Variants in DCLK2 observed in about 807,000 individuals in gnomAD.
DCLK2 encodes serine/threonine-protein kinase DCLK2.
In DCLK2, 31 loss-of-function variants were observed where a neutral mutation model predicts 78.4. The ratio of observed to expected loss-of-function variants is 0.40; its 90% confidence interval spans 0.30 to 0.53. The LOEUF is 0.53. DCLK2 is among the 20% of genes least tolerant of loss of function. The probability of loss-of-function intolerance (pLI) is 0.61; values close to 1 mark genes in which losing one functional copy is unlikely to be tolerated. For synonymous variants in DCLK2, 407 were observed against 374.9 expected (o/e 1.09, Z -0.99); for missense variants, 872 against 973.7 (o/e 0.90, Z 1.39).
intron 5 of DCLK2, among the ~76,000 whole-genome samples, chr4:150,211,829 C>A (rs1194761570): frequency 1.3e-5 from 2 of 152,130 alleles, no homozygotes; most frequent in African/African-American, 4.8e-5. Context: ...ATCTTCTGTT[C>A]CCTCTGTGCA....
chr4:150,245,664 A>G (rs966226476), intron 12 of DCLK2, among the ~76,000 whole-genome samples: 4 of 152,176 alleles, frequency 2.6e-5, no homozygotes, highest in African/African-American at 9.7e-5. Context: ...GATGGTTTCC[A>G]GCTTCATCCA....
intron 6 of DCLK2, among the ~76,000 whole-genome samples, chr4:150,221,072 A>G (rs1741151558): frequency 6.6e-6 from 1 of 152,218 alleles, no homozygotes; most frequent in Non-Finnish European, 1.5e-5. Flanking sequence ...TCTCAATTAG[A>G]TAACAAAACT....
chr4:150,246,613 G>T (rs1428907684), intron 12 of DCLK2, among the ~76,000 whole-genome samples: 1 of 152,192 alleles, frequency 6.6e-6, no homozygotes, highest in Admixed American at 6.5e-5. Context: ...TTCTCATGGG[G>T]CCTTGTAATG....
chr4:150,159,246 A>G (rs1323691105), intron 2 of DCLK2, among the ~76,000 whole-genome samples: 1 of 152,162 alleles, frequency 6.6e-6, no homozygotes, highest in Non-Finnish European at 1.5e-5. Context: ...TTCAGGCTTC[A>G]CAGTTGAATC....
intron 2 of DCLK2, among the ~76,000 whole-genome samples, chr4:150,165,219 A>G (rs1175850078): frequency 1.3e-5 from 2 of 152,236 alleles, no homozygotes; most frequent in Non-Finnish European, 2.9e-5. Context: ...TAAAGTGGTC[A>G]TTGAGCTGTG....
chr4:150,229,080 C>G (rs1452889326), intron 8 of DCLK2, among the ~76,000 whole-genome samples: 1 of 152,130 alleles, frequency 6.6e-6, no homozygotes, highest in Admixed American at 6.5e-5. Context: ...TGGCTCATGC[C>G]TGTAATCCCA....
chr4:150,177,609 T>A lies in DCLK2; in HGVS notation c.757-15529T>A, dbSNP rs79939748. On this transcript the variant is annotated intron_variant, in intron 2 of 15. Coordinates refer to ENST00000296550, the MANE Select transcript of DCLK2 (RefSeq NM_001040260.4). ...TTGCAGTTTATGAAAAGTAATGATA[T>A]TAATGATAGAATTATCTTTCAAAAG... Among the ~76,000 whole-genome samples, 1,188 of 152,302 alleles carry A rather than the reference T, an allele frequency of 7.8e-3. 16 individuals are homozygous for A. The highest frequency in any genetic ancestry group is 0.028 in the African/African-American group (1,145 of 41,564).
chr4:150,224,598 G>A, intron 8 of DCLK2, 40 bp downstream of exon 8: 2 of 1,555,070 alleles, frequency 1.3e-6, no homozygotes, highest in Non-Finnish European at 1.8e-6. Flanking sequence ...AGAAACTAGA[G>A]TAACTTGGTG....
rs1560751884 is a variant in DCLK2 at position 150,079,462 on chromosome 4, G to A, written c.421+14G>A. ...AGCTGCTGGAAGGTAGGAGGGGAGG[G>A]CGCCGCACGGCAGGTGCGGCGGAGC... On this transcript the variant is annotated intron_variant, in intron 1 of 15. Transcript: ENST00000296550. 7 of 1,465,856 alleles carry A rather than the reference G, an allele frequency of 4.8e-6. No homozygotes were observed. Among genetic ancestry groups the A allele is most frequent in the Non-Finnish European group, 6.3e-6 (7 of 1,107,568 alleles). 90.8% of individuals were successfully genotyped at this position (1,465,856 alleles called of 1,614,324 possible).
chr4:150,206,738 C>T (rs541283334), intron 5 of DCLK2, among the ~76,000 whole-genome samples: 1 of 152,180 alleles, frequency 6.6e-6, no homozygotes, highest in East Asian at 1.9e-4. Context: ...GTCTCTGCCA[C>T]ACTGATTCAG....
chr4:150,101,285 T>A (rs1730872927), intron 1 of DCLK2, among the ~76,000 whole-genome samples: 1 of 152,068 alleles, frequency 6.6e-6, no homozygotes, highest in Non-Finnish European at 1.5e-5. Context: ...AAATAAAATC[T>A]TCTTGTATGC....
At chr4:150,142,981 G>A (rs1022301149) in intron 2 of DCLK2, among the ~76,000 whole-genome samples, 1 of 151,912 alleles carries the variant, frequency 6.6e-6, no homozygotes, top group African/African-American at 2.4e-5. Flanking sequence ...CTGTCTTTAT[G>A]TCTGTGTGTA....
intron 2 of DCLK2, among the ~76,000 whole-genome samples, chr4:150,124,602 T>A (rs2150187208): frequency 6.6e-6 from 1 of 152,328 alleles, no homozygotes; most frequent in African/African-American, 2.4e-5. Flanking sequence ...GGTAAAATAT[T>A]ATGGCTGTCA....
chr4:150,242,971 A>G (rs890173031), intron 12 of DCLK2, among the ~76,000 whole-genome samples: 2 of 152,126 alleles, frequency 1.3e-5, no homozygotes, highest in African/African-American at 4.8e-5. Context: ...GGCCAGTTAC[A>G]GTGGAGTTCC....
rs1469070062 is a variant in DCLK2 at position 150,190,054 on chromosome 4, C to A, written c.757-3084C>A. Reference sequence around the variant, plus strand: ...TGTCTCAAAAAAAAAAAAAAAAAGGCCAAGTGTGGTGGCTGTGGTCCCAGC... The same window carrying A: ...TGTCTCAAAAAAAAAAAAAAAAAGGACAAGTGTGGTGGCTGTGGTCCCAGC... On this transcript the variant is annotated intron_variant, in intron 2 of 15. Transcript: ENST00000296550. Among the ~76,000 whole-genome samples, 7 of 13,614 alleles carry A rather than the reference C, an allele frequency of 5.1e-4. 1 individual carries two copies. The highest frequency in any genetic ancestry group is 1.0e-3 in the Non-Finnish European group (4 of 3,830). The allele number at this position is 13,614 out of a possible 152,430, so 8.9% of individuals were successfully genotyped here.
chr4:150,175,011 A>AAATATATATATATATATAT (rs1454035697), intron 2 of DCLK2, among the ~76,000 whole-genome samples: 1 of 9,974 alleles, frequency 1.0e-4, no homozygotes, highest in African/African-American at 2.6e-4. Context: ...AAAAAAAAAA[A>AAATATATATATATATATAT]ATATATATAT....
intron 2 of DCLK2, among the ~76,000 whole-genome samples, chr4:150,104,838 G>A (rs1580508806): frequency 1.3e-5 from 2 of 152,230 alleles, no homozygotes; most frequent in East Asian, 3.9e-4. Flanking sequence ...AACACTGGAA[G>A]TATTTCTATG....
chr4:150,246,796 C>T (rs1743352468), intron 12 of DCLK2, among the ~76,000 whole-genome samples: 1 of 152,158 alleles, frequency 6.6e-6, no homozygotes, highest in South Asian at 2.1e-4. Context: ...TCATCAGGCA[C>T]TAACTGTGTA....
intron 2 of DCLK2, among the ~76,000 whole-genome samples, chr4:150,125,449 A>G (rs1180041940): frequency 6.6e-6 from 1 of 152,238 alleles, no homozygotes; most frequent in East Asian, 1.9e-4. Flanking sequence ...ACAACCATCA[A>G]TGATATTCAA....
Sources: allele counts gnomAD v4.1 joint callset (sites outside exome capture counted in the v4.1 genomes callset), GRCh38; gene constraint gnomAD v4.1.1; transcripts MANE v1.5; gene names NCBI Gene and HGNC (gene_info 2026-07-23, HGNC 2026-07-21).